CNKSR2: variants seen among roughly 807,000 people sequenced by gnomAD.
CNKSR2 encodes CNK homolog protein 2.
CNKSR2 carries 14 observed loss-of-function variants against 84.4 expected under a neutral mutation model. The ratio of observed to expected loss-of-function variants is 0.17; its 90% CI spans 0.11 to 0.26. The LOEUF (loss-of-function observed/expected upper bound fraction) is 0.26, where lower values mean the gene tolerates loss of function less well. CNKSR2 is among the 10% of genes least tolerant of loss of function. CNKSR2 has a pLI of 1.00. For missense variants in CNKSR2, 485 were observed against 771.2 expected (o/e 0.63, Z 4.40); for synonymous variants, 275 against 277.9 (o/e 0.99, Z 0.10).
intron 13 of CNKSR2, among the ~76,000 whole-genome samples, chrX:21,588,942 A>G (rs1394426554): frequency 8.9e-6 from 1 of 112,794 alleles, no homozygotes; most frequent in Admixed American, 9.4e-5. Context: ...AGGGAAAATA[A>G]CTATCTGTAA....
At chrX:21,426,764 A>G (rs1601775142) in intron 2 of CNKSR2, 104 bp downstream of exon 2, 16 of 908,551 alleles carry the variant, frequency 1.8e-5, no homozygotes, top group Non-Finnish European at 2.1e-5. Flanking sequence ...CAAATAGAAG[A>G]AAAAAACTCT....
At position 21,461,145 on chromosome X, in the gene CNKSR2, C is replaced by T. The variant is rs1239608541; in HGVS notation, c.520-9621C>T. On this transcript the variant is annotated intron_variant, in intron 4 of 21. Coordinates refer to ENST00000379510, the MANE Select transcript of CNKSR2 (RefSeq NM_014927.5). ...TCGTGATTGTACTAATATACATTCC[C>T]ACCAACAGCGTACAAGGTTCCCTTT... 2.7e-5 allele frequency among the ~76,000 whole-genome samples: 3 copies of T among 112,262 alleles called. 1 individual carries two copies. In the East Asian group the frequency reaches 8.4e-4, roughly 31 times the overall value.
chrX:21,580,660 A>G (rs1028758919), intron 13 of CNKSR2, among the ~76,000 whole-genome samples: 5 of 111,944 alleles, frequency 4.5e-5, no homozygotes, highest in Admixed American at 9.5e-5. Context: ...AGAATCATCA[A>G]TCATACCATA....
chrX:21,506,646 T>C (rs1044979623), intron 8 of CNKSR2: 9 of 111,820 alleles, frequency 8.0e-5, no homozygotes, highest in Non-Finnish European at 1.7e-4. Context: ...GATATCTCAA[T>C]AATAGTTACT....
At chrX:21,427,112 T>C (rs2090576017) in intron 2 of CNKSR2, 1 of 122,260 alleles carries the variant, frequency 8.2e-6, no homozygotes, top group African/African-American at 3.2e-5. Context: ...AGACCACTTC[T>C]AAGTTTGAAC....
chrX:21,473,027 C>G (rs1431709532), intron 5 of CNKSR2, among the ~76,000 whole-genome samples: 1 of 109,840 alleles, frequency 9.1e-6, no homozygotes, highest in African/African-American at 3.3e-5. Flanking sequence ...TAAATAAATT[C>G]CTAATAATTG....
At position 21,385,389 on chromosome X, in the gene CNKSR2, T is replaced by C. The variant is rs750724585; in HGVS notation, c.64+10428T>C. Among the ~76,000 whole-genome samples, 9 of 112,190 alleles carry C rather than the reference T, an allele frequency of 8.0e-5. No homozygotes were observed. The East Asian group carries it at 2.5e-3, about 31-fold the overall frequency. On this transcript the variant is annotated intron_variant, in intron 1 of 21. Transcript: ENST00000379510. ...TGTATATAGTAAGCACATATAAATG[T>C]CAACTTTTTTAAAGGAAGAGATTAT...
intron 11 of CNKSR2, among the ~76,000 whole-genome samples, chrX:21,543,448 G>A (rs2091994145): frequency 1.8e-5 from 2 of 112,395 alleles, no homozygotes; most frequent in Non-Finnish European, 3.8e-5. Flanking sequence ...ATAATTTTTA[G>A]CATCAAGCTG....
intron 1 of CNKSR2, among the ~76,000 whole-genome samples, chrX:21,397,905 A>G (rs2090140306): frequency 8.9e-6 from 1 of 111,923 alleles, no homozygotes; most frequent in Admixed American, 9.5e-5. Context: ...GCATTTTGAA[A>G]GATCAAGGCT....
chrX:21,411,223 G>C (rs1232921744), intron 1 of CNKSR2, among the ~76,000 whole-genome samples: 1 of 110,667 alleles, frequency 9.0e-6, no homozygotes, highest in African/African-American at 3.3e-5. Flanking sequence ...TTCTTTTTCA[G>C]GAGACAATGG....
intron 11 of CNKSR2, among the ~76,000 whole-genome samples, chrX:21,547,953 C>T (rs1221785342): frequency 8.9e-6 from 1 of 111,915 alleles, no homozygotes; most frequent in Non-Finnish European, 1.9e-5. Flanking sequence ...ATTTATAGCA[C>T]TAAATGCCCA....
intron 1 of CNKSR2, among the ~76,000 whole-genome samples, chrX:21,412,145 G>A (rs1303467730): frequency 1.8e-5 from 2 of 111,419 alleles, no homozygotes; most frequent in Non-Finnish European, 3.8e-5. Context: ...GGGAAGCCTG[G>A]GACTGAGATA....
intron 1 of CNKSR2, among the ~76,000 whole-genome samples, chrX:21,383,447 C>A (rs1477663358): frequency 1.8e-5 from 2 of 112,300 alleles, no homozygotes; most frequent in African/African-American, 6.5e-5. Flanking sequence ...TTTGAAAAAT[C>A]AAAATTTATT....
chrX:21,402,493 G>A (rs1289989908), intron 1 of CNKSR2, among the ~76,000 whole-genome samples: 1 of 110,554 alleles, frequency 9.0e-6, no homozygotes, highest in Non-Finnish European at 1.9e-5. Flanking sequence ...AGTGGCAAAT[G>A]AGCACATAGA....
At chrX:21,531,448 A>G (rs745982094) in intron 10 of CNKSR2, among the ~76,000 whole-genome samples, 1 of 111,424 alleles carries the variant, frequency 9.0e-6, no homozygotes, top group South Asian at 3.7e-4. Flanking sequence ...TGTCTTAAAC[A>G]CTAAAAGCAA....
chrX:21,478,806 T>A (rs2091285355), intron 5 of CNKSR2, among the ~76,000 whole-genome samples: 1 of 111,890 alleles, frequency 8.9e-6, no homozygotes, highest in African/African-American at 3.2e-5. Context: ...AATTCTTAGA[T>A]GACAAATTCA....
chrX:21,592,592 A>G (rs1281859346), intron 15 of CNKSR2: 1 of 110,980 alleles, frequency 9.0e-6, no homozygotes, highest in Non-Finnish European at 1.9e-5. Flanking sequence ...TATTAGTAAC[A>G]TTTTTCAAAG....
intron 11 of CNKSR2, among the ~76,000 whole-genome samples, chrX:21,534,765 C>T (rs559049026): frequency 9.0e-6 from 1 of 111,063 alleles, no homozygotes; most frequent in South Asian, 3.7e-4. Flanking sequence ...ATCATTTGCC[C>T]ATTTTTAAAT....
chrX:21,611,829 G>A (rs901735208), intron 20 of CNKSR2, among the ~76,000 whole-genome samples: 1 of 111,194 alleles, frequency 9.0e-6, no homozygotes, highest in African/African-American at 3.3e-5. Flanking sequence ...TGTCTTTATG[G>A]TTCAATATTG....
Sources: allele counts gnomAD v4.1 joint callset (sites outside exome capture counted in the v4.1 genomes callset), GRCh38; gene constraint gnomAD v4.1.1; transcripts MANE v1.5; gene names NCBI Gene and HGNC (gene_info 2026-07-23, HGNC 2026-07-21).